The following PC variants were observed in gnomAD, a reference collection of about 807,000 sequenced individuals.
PC encodes pyruvate carboxylase, mitochondrial.
In PC, 46 loss-of-function variants were observed where a neutral mutation model predicts 107.8. The observed-to-expected ratio is 0.43, with a 90% confidence interval of 0.34 to 0.55. PC has a LOEUF of 0.55. Among genes scored for constraint, PC ranks in the 20% least tolerant of loss-of-function variants. The probability of loss-of-function intolerance (pLI) is 0.04; values close to 1 mark genes in which losing one functional copy is unlikely to be tolerated. For missense variants in PC, 1,241 were observed against 1,643.1 expected, an observed-to-expected ratio of 0.76 and a Z score of 4.23; for synonymous variants, 662 against 684.7, an observed-to-expected ratio of 0.97 and a Z score of 0.52.
At chr11:66,878,739 G>A (rs1021532050) in intron 3 of PC, among the ~76,000 whole-genome samples, 2 of 152,210 alleles carry the variant, frequency 1.3e-5, no homozygotes, top group African/African-American at 2.4e-5. Flanking sequence ...GACTGTCCCC[G>A]GGGCACGGGA....
intron 12 of PC, among the ~76,000 whole-genome samples, chr11:66,853,684 G>A (rs544508654): frequency 1.5e-4 from 23 of 152,292 alleles, no homozygotes; most frequent in Non-Finnish European, 2.4e-4. Context: ...CTCCAGCAGC[G>A]TGGCCCACAG....
intron 12 of PC, among the ~76,000 whole-genome samples, chr11:66,861,558 C>A (rs11227610): frequency 1.3e-5 from 2 of 150,414 alleles, no homozygotes; most frequent in African/African-American, 2.4e-5. Context: ...CTTCGAGAGC[C>A]TGGTTTAGAT....
In PC at chr11:66,872,068, C is replaced by G. The variant is rs779355042; in HGVS notation, c.92G>C (p.Arg31Pro). 1 of 1,564,744 alleles carries G rather than the reference C, an allele frequency of 6.4e-7. No individual in the cohort carries two copies. The highest frequency in any genetic ancestry group is 8.7e-7 in the Non-Finnish European group (1 of 1,154,748). The change falls in exon 4 of 23, where the codon CGC becomes CCC. Residue 31 changes from arginine to proline, a missense_variant. Coordinates refer to ENST00000393960, the MANE Select transcript of PC (RefSeq NM_001040716.2). The stretch of plus-strand genomic sequence containing the variant: ...TTTCTTGATGGGCTTATACTCCAGG[C>G]GCCGGACATTTGGGGAGGCAGCGGG... The part of the protein sequence containing the change: ...TAPAASPNVR[R>P]LEYKPIKKVM...
intron 3 of PC, among the ~76,000 whole-genome samples, chr11:66,905,814 C>T (rs1312678186): frequency 2.6e-5 from 4 of 152,088 alleles, no homozygotes; most frequent in African/African-American, 9.7e-5. Context: ...CCAGCATGCT[C>T]CCTCCCCACC....
rs1341112853 is a variant in PC, at chr11:66,863,946, C to A, written c.1196G>T (p.Ser399Ile). ...CAGGCGGATGCCCATGCCCTCTCCGCTCCGGAACACCTGTGGGAAGGGTGA... is the reference window on the plus strand; with the variant it reads ...CAGGCGGATGCCCATGCCCTCTCCGATCCGGAACACCTGTGGGAAGGGTGA... ...PDTGRIEVFR[S>I]GEGMGIRLDN... The change falls in exon 12 of 23, where the codon AGC (serine) becomes ATC (isoleucine). Residue 399 changes from serine to isoleucine, a missense_variant. Physicochemically the swap from Ser to Ile is moderately radical, Grantham distance 142. Transcript: ENST00000393960. The A allele has an allele frequency of 6.2e-7, 1 of 1,613,740 alleles. No homozygotes were observed. The highest frequency in any genetic ancestry group is 8.5e-7 in the Non-Finnish European group (1 of 1,180,042).
intron 21 of PC, 64 bp from the exon 22 acceptor site, chr11:66,849,434 G>A: frequency 6.2e-7 from 1 of 1,608,474 alleles, no homozygotes; most frequent in Non-Finnish European, 8.5e-7. Context: ...CCCCGGCCCT[G>A]GCCATAGGAA....
At chr11:66,860,752 A>G in intron 12 of PC, 1 of 699,098 alleles carries the variant, frequency 1.4e-6, no homozygotes, top group Non-Finnish European at 2.6e-6. Context: ...TGGCGACAGG[A>G]CGCCGTATCC....
intron 1 of PC, among the ~76,000 whole-genome samples, chr11:66,954,755 C>T (rs1426391849): frequency 6.6e-6 from 1 of 152,030 alleles, no homozygotes; most frequent in Non-Finnish European, 1.5e-5. Flanking sequence ...ACCAGCCTGC[C>T]CAACATAGTG....
chr11:66,871,152 T>A lies in PC; in HGVS notation c.533A>T (p.His178Leu). ...PGTDAPITSLHEAHEFSNTYG... is the reference protein window; with the variant it reads ...PGTDAPITSLLEAHEFSNTYG... ...GGTGTTGGAGAACTCGTGGGCCTCA[T>A]GCAGGGACGTGATGGGGGCATCTGT... The change falls in exon 7 of 23, where the codon CAT becomes CTT. Residue 178 changes from histidine to leucine, a missense_variant. His to Leu is a moderately conservative substitution (Grantham distance 99). Around this residue, in one of 2 missense-constraint regions of PC, gnomAD observed 1,143 missense variants for 1,551.9 expected, o/e 0.74. Coordinates refer to ENST00000393960, the MANE Select transcript of PC (RefSeq NM_001040716.2). This position sits in a 1 kb window ranked among gnomAD's most constrained non-coding sequence, Gnocchi z 7.4. 1 of 1,613,864 alleles carries A rather than the reference T, an allele frequency of 6.2e-7. No individual in the cohort carries two copies. The highest frequency in any genetic ancestry group is 1.1e-5 in the South Asian group (1 of 91,042).
chr11:66,928,108 C>T (rs1388678141), intron 3 of PC, among the ~76,000 whole-genome samples: 1 of 152,134 alleles, frequency 6.6e-6, no homozygotes, highest in Non-Finnish European at 1.5e-5. Flanking sequence ...CTGTGGCAGG[C>T]CGGGTATGGT....
At chr11:66,881,711 C>T (rs913353975) in intron 3 of PC, among the ~76,000 whole-genome samples, 1 of 152,238 alleles carries the variant, frequency 6.6e-6, no homozygotes, top group Non-Finnish European at 1.5e-5. Context: ...TGGCTCTTCA[C>T]GCAGACTCAC....
chr11:66,909,209 C>T (rs569011048), intron 3 of PC, among the ~76,000 whole-genome samples: 2 of 152,220 alleles, frequency 1.3e-5, no homozygotes, highest in Non-Finnish European at 2.9e-5. Flanking sequence ...CACCAACTCC[C>T]GTACTCGCCT....
intron 3 of PC, among the ~76,000 whole-genome samples, chr11:66,939,016 GC>G (rs1949062405): frequency 1.3e-5 from 2 of 152,138 alleles, no homozygotes; most frequent in Admixed American, 6.6e-5. Flanking sequence ...TTTAATACTG[GC>G]CCTATGGTGA....
At chr11:66,880,481 G>A (rs1301368365) in intron 3 of PC, among the ~76,000 whole-genome samples, 8 of 152,184 alleles carry the variant, frequency 5.3e-5, no homozygotes, top group African/African-American at 1.4e-4. Flanking sequence ...GGTGACCCTC[G>A]GAAGTGGCAG....
At chr11:66,880,209 G>A (rs947457428) in intron 3 of PC, among the ~76,000 whole-genome samples, 2 of 152,218 alleles carry the variant, frequency 1.3e-5, no homozygotes, top group Non-Finnish European at 1.5e-5. Context: ...CATCGGCTGG[G>A]AGAAACCGCA....
rs1265970048 is a variant in PC at position 66,858,105 on chromosome 11, A to C, written c.1369-4722T>G. ...CACCGGGAGCCTCCGGGGCCCCGTC[A>C]ATCTGCAGCACCTCATCCTCAGCGG... On this transcript the variant is annotated intron_variant, in intron 12 of 22. Transcript: ENST00000393960. This position sits in a 1 kb window ranked among gnomAD's most constrained non-coding sequence, Gnocchi z 5.9. 2 of 1,609,912 alleles carry C rather than the reference A, an allele frequency of 1.2e-6. No individual in the cohort carries two copies. Among genetic ancestry groups the C allele is most frequent in the Non-Finnish European group, 8.5e-7 (1 of 1,178,382 alleles).
rs561026386 is a variant in PC, at chr11:66,955,975, G to A, written c.-227-1539C>T. 3.3e-5 allele frequency among the ~76,000 whole-genome samples: 5 copies of A among 152,166 alleles called. 1 individual carries two copies. The South Asian group carries it at 1.0e-3, about 32-fold the overall frequency. On this transcript the variant is annotated intron_variant, in intron 1 of 22. Transcript: ENST00000393960. ...TTTAGCAGAGAAGGGGTTTCACCAT[G>A]TTGGCCAGGCTGGTCTCGAACTCCT... is the stretch of plus-strand genomic sequence containing the variant.
rs763833941 is a variant in PC, at chr11:66,872,005, C to T, written c.136+19G>A. 65 of 1,557,072 alleles carry T rather than the reference C, an allele frequency of 4.2e-5. No individual in the cohort carries two copies. The highest frequency in any genetic ancestry group is 1.7e-4 in the Middle Eastern group (1 of 6,010). ...GGGGCGGCCATGAGGCTCCTCTCAC[C>T]GGCCCCACTGGTGCTCACCTCTGTT... On this transcript the variant is annotated intron_variant, in intron 4 of 22. Transcript: ENST00000393960.
intron 12 of PC, chr11:66,860,252 G>A (rs375457407): frequency 6.5e-6 from 10 of 1,536,742 alleles, no homozygotes; most frequent in Admixed American, 2.0e-5. Flanking sequence ...CAGAGGGCCC[G>A]GGGCCGCCGC....
Sources: gnomAD v4.1 joint callset for allele counts (sites outside exome capture counted in the v4.1 genomes callset) on GRCh38, gnomAD v4.1.1 for gene constraint, gnomAD v4.1.1 regional missense constraint, Gnocchi (gnomAD v3.1) non-coding constraint, MANE v1.5 for transcripts, NCBI Gene and HGNC (gene_info 2026-07-23, HGNC 2026-07-21) for gene names.